The following RGS20 variants were observed in gnomAD, a reference collection of about 807,000 sequenced individuals.
The protein encoded by RGS20 is gz-selective GTPase-activating protein.
RGS20 carries 30 observed loss-of-function variants against 33.6 expected under a neutral mutation model. The observed-to-expected ratio is 0.89, with a 90% CI of 0.67 to 1.21. The LOEUF is 1.21. Among genes scored for constraint, RGS20 ranks in the 50% most tolerant of loss-of-function variants. The pLI is 0.00. For missense variants in RGS20, 472 were observed against 502.4 expected (o/e 0.94, Z 0.58); for synonymous variants, 208 against 197.9 (o/e 1.05, Z -0.43).
intron 2 of RGS20, among the ~76,000 whole-genome samples, chr8:53,919,592 C>CTT (rs749181497): frequency 3.7e-5 from 5 of 136,350 alleles, no homozygotes; most frequent in Non-Finnish European, 6.4e-5. Flanking sequence ...AACATTTTTT[C>CTT]TTTTTTTTTT....
At chr8:53,859,974 G>A (rs1165325437) in intron 1 of RGS20, among the ~76,000 whole-genome samples, 1 of 152,164 alleles carries the variant, frequency 6.6e-6, no homozygotes. Flanking sequence ...TGAGATTTTG[G>A]TGGGGACACA....
intron 3 of RGS20, among the ~76,000 whole-genome samples, chr8:53,945,026 G>C (rs1009724161): frequency 6.6e-6 from 1 of 152,174 alleles, no homozygotes. Flanking sequence ...TGGTGCAATT[G>C]CCTTGTAAAA....
chr8:53,855,543 G>GTGCTAAA (rs1320022309), intron 1 of RGS20, among the ~76,000 whole-genome samples: 3 of 152,158 alleles, frequency 2.0e-5, no homozygotes, highest in Non-Finnish European at 4.4e-5. Context: ...CACATTACAT[G>GTGCTAAA]TGTAATGTGC....
chr8:53,869,633 G>A (rs541409386), intron 1 of RGS20, among the ~76,000 whole-genome samples: 1 of 152,100 alleles, frequency 6.6e-6, no homozygotes, highest in Admixed American at 6.6e-5. Context: ...CCAAGATCAC[G>A]CCACTACACT....
At chr8:53,888,519 A>G (rs1306000085) in intron 2 of RGS20, among the ~76,000 whole-genome samples, 1 of 152,158 alleles carries the variant, frequency 6.6e-6, no homozygotes, top group African/African-American at 2.4e-5. Context: ...GGGGCTGTCC[A>G]TTGCCCTGTA....
intron 1 of RGS20, among the ~76,000 whole-genome samples, chr8:53,874,699 C>A (rs1411865000): frequency 6.6e-6 from 1 of 152,180 alleles, no homozygotes; most frequent in African/African-American, 2.4e-5. Flanking sequence ...CAATCTCTGG[C>A]ATTTCTTGGG....
chr8:53,954,202 C>G lies in RGS20; in HGVS notation c.870C>G (p.Leu290=), dbSNP rs779506103. Residue 290 remains leucine (L), a synonymous_variant, in exon 5 of 6, where the codon CTC becomes CTG. Transcript: ENST00000297313. ...CAGAATTCAGTGAGGAAAATATGCT[C>G]TTCTGGATGGCCTGTGAGGAACTGA... 6.2e-7 allele frequency: 1 copy of G among 1,613,898 alleles called. No homozygotes were observed. Among genetic ancestry groups the G allele is most frequent in the South Asian group, 1.1e-5 (1 of 91,062 alleles).
At chr8:53,906,679 C>G (rs1209161097) in intron 2 of RGS20, among the ~76,000 whole-genome samples, 3 of 152,164 alleles carry the variant, frequency 2.0e-5, no homozygotes, top group Non-Finnish European at 4.4e-5. Context: ...TATCGCAGTG[C>G]TTTTCATGCA....
chr8:53,921,010 T>C (rs927472257), intron 2 of RGS20, among the ~76,000 whole-genome samples: 3 of 152,234 alleles, frequency 2.0e-5, no homozygotes, highest in African/African-American at 7.2e-5. Flanking sequence ...TCCACCCACC[T>C]CGGCCTCCCA....
intron 5 of RGS20, among the ~76,000 whole-genome samples, chr8:53,956,402 T>C (rs1814864179): frequency 2.0e-5 from 3 of 152,144 alleles, no homozygotes; most frequent in African/African-American, 7.2e-5. Context: ...GTTTATATCA[T>C]CAAATTTTGA....
chr8:53,941,700 G>C (rs375570050), intron 3 of RGS20, among the ~76,000 whole-genome samples: 15 of 152,136 alleles, frequency 9.9e-5, no homozygotes, highest in Admixed American at 2.6e-4. Flanking sequence ...ATCAGTGAAA[G>C]ACAATAAATC....
chr8:53,867,584 T>A (rs1264988225), intron 1 of RGS20, among the ~76,000 whole-genome samples: 5 of 152,214 alleles, frequency 3.3e-5, no homozygotes, highest in Admixed American at 2.6e-4. Context: ...GGGGCGTCTG[T>A]CATTTCTAAT....
At chr8:53,945,453 T>TG (rs1814448567) in intron 3 of RGS20, 1 of 152,066 alleles carries the variant, frequency 6.6e-6, no homozygotes, top group Non-Finnish European at 1.5e-5. Flanking sequence ...GAGATACAGG[T>TG]GATAAGCAGT....
chr8:53,903,343 C>T (rs1392777860), intron 2 of RGS20, among the ~76,000 whole-genome samples: 1 of 152,152 alleles, frequency 6.6e-6, no homozygotes, highest in East Asian at 1.9e-4. Context: ...AGGCTTACAA[C>T]ATTTGTTACA....
intron 2 of RGS20, chr8:53,913,577 G>C (rs542117950): frequency 6.6e-6 from 1 of 152,198 alleles, no homozygotes; most frequent in Non-Finnish European, 1.5e-5. Flanking sequence ...GAAATCCAAC[G>C]ACTGGTGACC....
At position 53,958,177 on chromosome 8, in the gene RGS20, AAAC is replaced by A. The variant is rs533005447; in HGVS notation, c.979-84_979-82del. 5.1e-3 allele frequency: 4,878 copies of A among 958,432 alleles called. 17 individuals carry two copies. The highest frequency in any genetic ancestry group is 7.1e-3 in the Middle Eastern group (29 of 4,056). 59.4% of individuals were successfully genotyped at this position (958,432 alleles called of 1,614,324 possible). A position where few individuals can be genotyped will look rare whatever the true frequency, so the allele number is the denominator to read the frequency against. ...CAAAAAAACCAAAAACAAAAAACAA[AAAC>A]AACAACAAAAATCCCCACAAGCTCT... is the stretch of plus-strand genomic sequence containing the variant. On this transcript the variant is annotated intron_variant, in intron 5 of 5. Transcript: ENST00000297313.
intron 1 of RGS20, among the ~76,000 whole-genome samples, chr8:53,856,854 C>CACTTATTTTT (rs1285444812): frequency 3.3e-5 from 5 of 152,124 alleles, no homozygotes; most frequent in African/African-American, 4.8e-5. Context: ...CCTTGAGCAG[C>CACTTATTTTT]TGATCAAAGC....
At chr8:53,941,119 G>A (rs1374148439) in intron 3 of RGS20, among the ~76,000 whole-genome samples, 1 of 152,166 alleles carries the variant, frequency 6.6e-6, no homozygotes, top group African/African-American at 2.4e-5. Flanking sequence ...GTATTGTCCC[G>A]GGATAGTGTA....
In RGS20 at chr8:53,908,507, G is replaced by T. The variant is rs1210018151; in HGVS notation, c.510+28905G>T. ...ATACAAAAATTAGCCAGGCATAGTGGCAGGTGCCTGTAATCCCAGCTACTC... is the reference window on the plus strand; with the variant it reads ...ATACAAAAATTAGCCAGGCATAGTGTCAGGTGCCTGTAATCCCAGCTACTC... On this transcript the variant is annotated intron_variant, in intron 2 of 5. Coordinates refer to ENST00000297313, the MANE Select transcript of RGS20 (RefSeq NM_170587.4). Among the ~76,000 whole-genome samples the T allele has an allele frequency of 2.0e-5, 3 of 152,102 alleles. No individual in the cohort carries two copies. The East Asian group carries it at 5.8e-4, about 29-fold the overall frequency.
Sources: allele counts gnomAD v4.1 joint callset (sites outside exome capture counted in the v4.1 genomes callset), GRCh38; gene constraint gnomAD v4.1.1; transcripts MANE v1.5; gene names NCBI Gene and HGNC (gene_info 2026-07-23, HGNC 2026-07-21).